Variants in MEIS2 observed in about 807,000 individuals in gnomAD.
MEIS2 encodes the protein homeobox protein Meis2.
A neutral mutation model predicts 58.6 loss-of-function variants in MEIS2; 9 were observed. The observed-to-expected ratio is 0.15, with a 90% CI of 0.09 to 0.27. MEIS2 has a LOEUF of 0.27. Among genes scored for constraint, MEIS2 ranks in the 10% least tolerant of loss-of-function variants. MEIS2 has a pLI of 1.00. For synonymous variants in MEIS2, 221 were observed against 228.4 expected, an observed-to-expected ratio of 0.97 and a Z score of 0.29; for missense variants, 427 against 635.0, an observed-to-expected ratio of 0.67 and a Z score of 3.52.
At chr15:37,082,653 C>T (rs779773505) in intron 7 of MEIS2, among the ~76,000 whole-genome samples, 1 of 152,000 alleles carries the variant, frequency 6.6e-6, no homozygotes, top group Non-Finnish European at 1.5e-5. Flanking sequence ...CATAATTTGC[C>T]GTCTGATATG....
chr15:37,070,207 T>C (rs895183058), intron 7 of MEIS2, among the ~76,000 whole-genome samples: 1 of 152,168 alleles, frequency 6.6e-6, no homozygotes, highest in Non-Finnish European at 1.5e-5. Flanking sequence ...TGGAACATTC[T>C]GCACAAGTAT....
At chr15:37,058,488 C>T (rs1320910238) in intron 7 of MEIS2, among the ~76,000 whole-genome samples, 2 of 152,140 alleles carry the variant, frequency 1.3e-5, no homozygotes, top group East Asian at 3.9e-4. Flanking sequence ...AGTACATTCC[C>T]ACCTTCACAG....
intron 4 of MEIS2, 120 bp downstream of exon 4, chr15:37,095,444 C>T (rs1000798043): frequency 6.8e-7 from 1 of 1,474,928 alleles, no homozygotes; most frequent in South Asian, 1.2e-5. Context: ...TCCTCCCTCT[C>T]TCCCTAGAGC....
chr15:36,952,031 G>A (rs1283965881), intron 8 of MEIS2, among the ~76,000 whole-genome samples: 1 of 152,144 alleles, frequency 6.6e-6, no homozygotes, highest in Non-Finnish European at 1.5e-5. Flanking sequence ...ATCGTTGCCT[G>A]TCAGGTGCTG....
chr15:36,924,755 G>A (rs2057673686), intron 9 of MEIS2, among the ~76,000 whole-genome samples: 1 of 152,082 alleles, frequency 6.6e-6, no homozygotes, highest in South Asian at 2.1e-4. Context: ...CCCACAAATC[G>A]GGTCAGTCTC....
chr15:37,016,598 G>A lies in MEIS2; in HGVS notation c.900+20216C>T, dbSNP rs1443639184. 2.0e-5 allele frequency among the ~76,000 whole-genome samples: 3 copies of A among 152,252 alleles called. No homozygotes were observed. The East Asian group carries it at 5.8e-4, about 29-fold the overall frequency. On this transcript the variant is annotated intron_variant, in intron 8 of 11. Coordinates refer to ENST00000561208, the MANE Select transcript of MEIS2 (RefSeq NM_170675.5). ...CCAGGGCCCAAGATGTTCTTAGAGA[G>A]TAGAGTACCCTGGGATTGTGTTTGA...
intron 8 of MEIS2, among the ~76,000 whole-genome samples, chr15:36,957,457 C>G (rs567261053): frequency 6.6e-6 from 1 of 152,224 alleles, no homozygotes; most frequent in East Asian, 1.9e-4. Flanking sequence ...GGTGTGGGAT[C>G]AAAACATTCC....
intron 9 of MEIS2, among the ~76,000 whole-genome samples, chr15:36,930,382 G>T (rs2057928135): frequency 6.6e-6 from 1 of 152,068 alleles, no homozygotes; most frequent in Admixed American, 6.6e-5. Context: ...ACCAGGAGAG[G>T]TCACTGAGGC....
intron 9 of MEIS2, among the ~76,000 whole-genome samples, chr15:36,938,678 A>G (rs1332206156): frequency 6.6e-6 from 1 of 152,142 alleles, no homozygotes; most frequent in African/African-American, 2.4e-5. Flanking sequence ...TTTTCCTCTC[A>G]CTTGCTTTGG....
intron 8 of MEIS2, among the ~76,000 whole-genome samples, chr15:37,019,658 G>A (rs1382892845): frequency 6.6e-6 from 1 of 152,186 alleles, no homozygotes; most frequent in South Asian, 2.1e-4. Flanking sequence ...GGCCCGTAGA[G>A]GGTAGGGAGA....
intron 9 of MEIS2, among the ~76,000 whole-genome samples, chr15:36,922,944 T>A (rs2141302313): frequency 6.6e-6 from 1 of 152,278 alleles, no homozygotes; most frequent in South Asian, 2.1e-4. Flanking sequence ...TACGCAGTGT[T>A]TTTAGTTATC....
At chr15:37,073,917 A>G (rs1891033956) in intron 7 of MEIS2, among the ~76,000 whole-genome samples, 1 of 152,066 alleles carries the variant, frequency 6.6e-6, no homozygotes, top group Admixed American at 6.6e-5. Context: ...ATTGACTAAG[A>G]TAAGGTACTT....
chr15:36,907,565 A>G (rs2141255650), intron 9 of MEIS2, among the ~76,000 whole-genome samples: 1 of 152,208 alleles, frequency 6.6e-6, no homozygotes, highest in Non-Finnish European at 1.5e-5. Flanking sequence ...TCCTCCTCTC[A>G]ATTCTCCTGC....
At chr15:37,035,627 G>C (rs1304334046) in intron 8 of MEIS2, among the ~76,000 whole-genome samples, 2 of 152,122 alleles carry the variant, frequency 1.3e-5, no homozygotes, top group African/African-American at 4.8e-5. Flanking sequence ...CTGCCTCATT[G>C]GTTCTCCCAG....
chr15:37,095,713 G>A, intron 3 of MEIS2, 99 bp from the exon 4 acceptor site: 1 of 1,562,904 alleles, frequency 6.4e-7, no homozygotes, highest in Non-Finnish European at 8.8e-7. Context: ...GCGGAGAAGA[G>A]GAAAGGGGCT....
intron 8 of MEIS2, among the ~76,000 whole-genome samples, chr15:37,018,720 G>A (rs1170141718): frequency 3.9e-5 from 6 of 152,098 alleles, no homozygotes. Context: ...CCCTTATAAT[G>A]TACCAGTACA....
At chr15:36,933,721 C>T (rs1461671809) in intron 9 of MEIS2, among the ~76,000 whole-genome samples, 3 of 152,040 alleles carry the variant, frequency 2.0e-5, no homozygotes, top group African/African-American at 4.8e-5. Flanking sequence ...AGTATCCTAA[C>T]GCTTTTTGTT....
chr15:36,909,284 C>T (rs1029741457), intron 9 of MEIS2, among the ~76,000 whole-genome samples: 1 of 152,018 alleles, frequency 6.6e-6, no homozygotes, highest in Non-Finnish European at 1.5e-5. Context: ...GTGATTTACT[C>T]GTCTGACTTT....
Position 36,890,602 on chromosome 15 carries a change from T to C in MEIS2, c.*1571A>G, listed in dbSNP as rs1378284259. ...TTTTCATTTACATATCCAACAATAT[T>C]GTAGTAAGACAGGCAGAGGAAAAAC... On this transcript the variant is annotated 3_prime_UTR_variant, in exon 12 of 12. Coordinates refer to ENST00000561208, the MANE Select transcript of MEIS2 (RefSeq NM_170675.5). 4 of 152,122 alleles carry C rather than the reference T, an allele frequency of 2.6e-5. No homozygotes were observed. Among genetic ancestry groups the C allele is most frequent in the Non-Finnish European group, 5.9e-5 (4 of 68,008 alleles). 9.4% of individuals were successfully genotyped at this position (152,122 alleles called of 1,614,324 possible).
Sources: gnomAD v4.1 joint callset for allele counts (sites outside exome capture counted in the v4.1 genomes callset) on GRCh38, gnomAD v4.1.1 for gene constraint, MANE v1.5 for transcripts, NCBI Gene and HGNC (gene_info 2026-07-23, HGNC 2026-07-21) for gene names.